Variants in TES observed in about 807,000 individuals in gnomAD.
TES encodes testin.
A neutral mutation model predicts 48.2 loss-of-function variants in TES; 41 were observed. The observed-to-expected ratio is 0.85, with a 90% CI of 0.66 to 1.10. TES has a LOEUF of 1.10. Among genes scored for constraint, TES ranks in the 50% least tolerant of loss-of-function variants. The pLI is 0.00. For synonymous variants in TES, 162 were observed against 174.9 expected (o/e 0.93, Z 0.58); for missense variants, 463 against 515.1 (o/e 0.90, Z 0.98).
chr7:116,251,006 C>G (rs1179595269), intron 4 of TES, among the ~76,000 whole-genome samples: 1 of 151,920 alleles, frequency 6.6e-6, no homozygotes, highest in African/African-American at 2.4e-5. Context: ...TGGTAGGAGG[C>G]AATTATGACA....
intron 1 of TES, among the ~76,000 whole-genome samples, chr7:116,226,956 T>C (rs1406136263): frequency 6.6e-6 from 1 of 152,200 alleles, no homozygotes; most frequent in Non-Finnish European, 1.5e-5. Flanking sequence ...AGCAGATTTA[T>C]TAAGAATGAC....
At position 116,250,246 on chromosome 7, in the gene TES, C is replaced by T. The variant is rs760452542; in HGVS notation, c.452C>T (p.Ala151Val). ...GCACAGTACCGGAAGAAGCAGCTGGCAAAGCAGCTCCCTGCACATGACCAG... is the reference window on the plus strand; with the variant it reads ...GCACAGTACCGGAAGAAGCAGCTGGTAAAGCAGCTCCCTGCACATGACCAG... ...EGAQYRKKQLAKQLPAHDQDP... is the reference protein window; with the variant it reads ...EGAQYRKKQLVKQLPAHDQDP... Residue 151 changes from alanine to valine, a missense_variant, in exon 4 of 7, where the codon GCA (alanine) becomes GTA (valine). Ala to Val is a moderately conservative substitution (Grantham distance 64). Transcript: ENST00000358204. 6.2e-7 allele frequency: 1 copy of T among 1,609,120 alleles called. No individual in the cohort carries two copies.
At chr7:116,238,611 T>TTATTATTA (rs1799804592) in intron 2 of TES, among the ~76,000 whole-genome samples, 1 of 149,012 alleles carries the variant, frequency 6.7e-6, no homozygotes, top group South Asian at 2.1e-4. Context: ...ATTATTATTA[T>TTATTATTA]TATTTTTGAG....
At chr7:116,227,093 TTTA>T (rs1799631096) in intron 1 of TES, among the ~76,000 whole-genome samples, 1 of 3,858 alleles carries the variant, frequency 2.6e-4, no homozygotes, top group South Asian at 0.019. Flanking sequence ...TTTTATTTTA[TTTA>T]TTTATTTATT....
intron 1 of TES, 28 bp downstream of exon 1, chr7:116,210,762 G>A (rs1799426226): frequency 5.7e-6 from 7 of 1,238,356 alleles, no homozygotes; most frequent in Non-Finnish European, 7.1e-6. Flanking sequence ...GCGGGCGGCG[G>A]CTGCTTCACC....
intron 1 of TES, among the ~76,000 whole-genome samples, chr7:116,231,827 G>A (rs763893438): frequency 7.9e-5 from 12 of 152,134 alleles, no homozygotes; most frequent in Non-Finnish European, 1.2e-4. Context: ...GTGAAGCAGC[G>A]CCCACCCACC....
intron 2 of TES, among the ~76,000 whole-genome samples, chr7:116,246,570 A>G (rs1799925656): frequency 6.6e-6 from 1 of 152,176 alleles, no homozygotes; most frequent in African/African-American, 2.4e-5. Flanking sequence ...CTATTGACTC[A>G]TCTTCCTACA....
intron 2 of TES, among the ~76,000 whole-genome samples, chr7:116,248,790 C>T (rs1799961491): frequency 6.6e-6 from 1 of 151,764 alleles, no homozygotes; most frequent in African/African-American, 2.4e-5. Context: ...TAATTGGGTC[C>T]CTCTTTCAAT....
chr7:116,251,112 C>G (rs1800000347), intron 4 of TES, among the ~76,000 whole-genome samples: 1 of 152,118 alleles, frequency 6.6e-6, no homozygotes, highest in African/African-American at 2.4e-5. Context: ...GAAAAAAGAG[C>G]ACTAATAAGC....
At chr7:116,226,963 T>A (rs375763482) in intron 1 of TES, among the ~76,000 whole-genome samples, 57 of 152,212 alleles carry the variant, frequency 3.7e-4, no homozygotes, top group African/African-American at 1.3e-3. Context: ...TTATTAAGAA[T>A]GACTAATTGT....
At chr7:116,242,297 A>C (rs1200274783) in intron 2 of TES, among the ~76,000 whole-genome samples, 5 of 152,220 alleles carry the variant, frequency 3.3e-5, no homozygotes, top group Non-Finnish European at 5.9e-5. Context: ...AAATAATTAC[A>C]TTGTTTTTGT....
chr7:116,244,431 C>T (rs1799893792), intron 2 of TES, among the ~76,000 whole-genome samples: 2 of 152,222 alleles, frequency 1.3e-5, no homozygotes, highest in Admixed American at 1.3e-4. Flanking sequence ...TCCAATAGGG[C>T]AGTCATTAAA....
chr7:116,238,288 A>G (rs1337501494), intron 2 of TES: 1 of 152,198 alleles, frequency 6.6e-6, no homozygotes, highest in Non-Finnish European at 1.5e-5. Flanking sequence ...TGGAGAGGTG[A>G]ATGGAAGATG....
chr7:116,219,367 C>T (rs908288828), intron 1 of TES, among the ~76,000 whole-genome samples: 15 of 152,214 alleles, frequency 9.9e-5, no homozygotes, highest in Middle Eastern at 3.4e-3. Flanking sequence ...AAGACCCTAG[C>T]CCACAGCTGA....
intron 2 of TES, among the ~76,000 whole-genome samples, chr7:116,235,766 A>C (rs944369378): frequency 6.6e-6 from 1 of 152,230 alleles, no homozygotes; most frequent in African/African-American, 2.4e-5. Context: ...TCTGTACTAC[A>C]GATTTCCACA....
In TES at chr7:116,250,474, C is replaced by T; in HGVS notation, c.680C>T (p.Ala227Val). The stretch of plus-strand genomic sequence containing the variant: ...GTGGGGGCCATGGAGGACAAATCTG[C>T]TGAGCACAAAAGAACTCAATATGTA... ...AAVGAMEDKS[A>V]EHKRTQYSCY... is the part of the protein sequence containing the mutation. The change falls in exon 4 of 7, where the codon GCT becomes GTT. Residue 227 changes from alanine (A) to valine (V), a missense_variant. Transcript: ENST00000358204. 2 of 1,561,344 alleles carry T rather than the reference C, an allele frequency of 1.3e-6. No individual in the cohort carries two copies. Among genetic ancestry groups the T allele is most frequent in the Non-Finnish European group, 1.7e-6 (2 of 1,156,342 alleles).
At chr7:116,226,083 C>T (rs868339505) in intron 1 of TES, among the ~76,000 whole-genome samples, 3 of 152,136 alleles carry the variant, frequency 2.0e-5, no homozygotes, top group South Asian at 2.1e-4. Flanking sequence ...TTATCACCAC[C>T]CCTTCCAGTG....
At chr7:116,218,437 A>G (rs1799519361) in intron 1 of TES, among the ~76,000 whole-genome samples, 1 of 152,178 alleles carries the variant, frequency 6.6e-6, no homozygotes, top group Non-Finnish European at 1.5e-5. Flanking sequence ...ATGACCATGT[A>G]GATGTTAGGT....
Position 116,250,344 on chromosome 7 carries a change from A to T in TES, c.550A>T (p.Ser184Cys). Reference protein sequence around the residue: ...EMEQFVKKYKSEALGVGDVKL... With the variant: ...EMEQFVKKYKCEALGVGDVKL... ...GGAGCAGTTTGTGAAGAAATATAAG[A>T]GCGAAGCTCTGGGAGTAGGAGATGT... The change falls in exon 4 of 7, where the codon AGC (serine) becomes TGC (cysteine). Residue 184 changes from serine (S) to cysteine (C), a missense_variant. Coordinates refer to ENST00000358204, the MANE Select transcript of TES (RefSeq NM_015641.4). The T allele has an allele frequency of 6.2e-7, 1 of 1,613,872 alleles. No homozygotes were observed. The highest frequency in any genetic ancestry group is 8.5e-7 in the Non-Finnish European group (1 of 1,179,890).
Sources: gnomAD v4.1 joint callset for allele counts (sites outside exome capture counted in the v4.1 genomes callset) on GRCh38, gnomAD v4.1.1 for gene constraint, MANE v1.5 for transcripts, NCBI Gene and HGNC (gene_info 2026-07-23, HGNC 2026-07-21) for gene names.